FERMT2: variants seen among roughly 807,000 people sequenced by gnomAD.
FERMT2 encodes FERM domain containing kindlin 2.
A neutral mutation model predicts 82.7 loss-of-function variants in FERMT2; 15 were observed. The observed-to-expected ratio is 0.18, with a 90% confidence interval of 0.12 to 0.28. The LOEUF is 0.28. Ranked by LOEUF, FERMT2 falls within the 10% of genes least tolerant of loss-of-function variation. The pLI is 1.00. For synonymous variants in FERMT2, 274 were observed against 271.5 expected (o/e 1.01, Z -0.09); for missense variants, 645 against 809.4 (o/e 0.80, Z 2.46).
intron 2 of FERMT2, among the ~76,000 whole-genome samples, chr14:52,942,055 T>C (rs910591278): frequency 6.6e-6 from 1 of 152,142 alleles, no homozygotes; most frequent in African/African-American, 2.4e-5. Context: ...AACTAAGCTT[T>C]TTTTGAGGAG....
Position 52,881,259 on chromosome 14 carries a change from G to T in FERMT2, c.737C>A (p.Ala246Glu). The T allele has an allele frequency of 6.2e-7, 1 of 1,613,038 alleles. No homozygotes were observed. The highest frequency in any genetic ancestry group is 1.7e-4 in the Middle Eastern group (1 of 6,054). ...MFKPQALLDK[A>E]KINQGWLDSS... ...TAAAACTTACCCTTGGTTGATTTTT[G>T]CTTTATCAAGAAGAGCTTGAGGCTT... Residue 246 changes from alanine to glutamate, a missense_variant, in exon 5 of 15, where the codon GCA becomes GAA. Transcript: ENST00000341590.
rs115018584 is a variant in FERMT2, at chr14:52,936,774, T to C, written c.157+13638A>G. Among the ~76,000 whole-genome samples, 1,403 of 152,324 alleles carry C rather than the reference T, an allele frequency of 9.2e-3. 21 individuals carry two copies. The highest frequency in any genetic ancestry group is 0.032 in the African/African-American group (1,319 of 41,562). ...CCCTCCCTCCACAAATCCTATCCTA[T>C]ATGCTAGGTTCCAGTTGCCCAGTAC... On this transcript the variant is annotated intron_variant, in intron 2 of 14. Transcript: ENST00000341590.
In FERMT2 at chr14:52,881,018, C is replaced by G. The variant is rs766415769; in HGVS notation, c.855+18G>C. On this transcript the variant is annotated intron_variant, in intron 6 of 14. Coordinates refer to ENST00000341590, the MANE Select transcript of FERMT2 (RefSeq NM_006832.3). ...AATTAATGGGGAAAAAAAAAAGATC[C>G]CTTTAAACCCTCGGTACCTTTGGAT... 6.6e-7 allele frequency: 1 copy of G among 1,511,586 alleles called. No homozygotes were observed. Among genetic ancestry groups the G allele is most frequent in the East Asian group, 2.3e-5 (1 of 44,390 alleles). The allele number at this position is 1,511,586 out of a possible 1,614,324, so 93.6% of individuals were successfully genotyped here.
rs1885205754 is a variant in FERMT2, at chr14:52,865,312, ACTCT to A, written c.1274-463_1274-460del. On this transcript the variant is annotated intron_variant, in intron 10 of 14. Coordinates refer to ENST00000341590, the MANE Select transcript of FERMT2 (RefSeq NM_006832.3). ...CTCCAGCCTGGGCAACAAAAGCGAA[ACTCT>A]CTCTTCAGAATTTCACTTTGTAGGA... Among the ~76,000 whole-genome samples the A allele has an allele frequency of 3.9e-5, 6 of 152,158 alleles. 1 individual carries two copies. In the South Asian group the frequency reaches 1.2e-3, roughly 32 times the overall value.
chr14:52,928,233 C>T (rs1889392349), intron 2 of FERMT2: 1 of 223,678 alleles, frequency 4.5e-6, no homozygotes, highest in African/African-American at 2.2e-5. Flanking sequence ...TTTGCTAAGG[C>T]AACATGTCAT....
At chr14:52,903,055 A>C (rs1277210197) in intron 3 of FERMT2, among the ~76,000 whole-genome samples, 1 of 151,748 alleles carries the variant, frequency 6.6e-6, no homozygotes, top group African/African-American at 2.4e-5. Flanking sequence ...TAATATTATG[A>C]AACAACTCTG....
chr14:52,866,032 C>T (rs1317053417), intron 10 of FERMT2, among the ~76,000 whole-genome samples: 1 of 152,158 alleles, frequency 6.6e-6, no homozygotes, highest in Non-Finnish European at 1.5e-5. Flanking sequence ...AAAGTTGAAA[C>T]AGTTGTTTGA....
chr14:52,915,812 T>C (rs1186957366), intron 3 of FERMT2, among the ~76,000 whole-genome samples: 1 of 151,670 alleles, frequency 6.6e-6, no homozygotes, highest in Non-Finnish European at 1.5e-5. Flanking sequence ...CGAACAAAGG[T>C]TTATAATAGA....
intron 4 of FERMT2, among the ~76,000 whole-genome samples, chr14:52,883,791 G>GTA (rs942732534): frequency 1.3e-5 from 2 of 152,154 alleles, no homozygotes; most frequent in South Asian, 4.1e-4. Context: ...GCTTGGTACT[G>GTA]TATAGTCAGT....
chr14:52,933,205 T>G (rs1434198068), intron 2 of FERMT2, among the ~76,000 whole-genome samples: 1 of 152,214 alleles, frequency 6.6e-6, no homozygotes, highest in East Asian at 1.9e-4. Context: ...TTTTACTTTT[T>G]CCTCTCCCTC....
chr14:52,874,620 A>AT (rs1441220476), intron 8 of FERMT2, among the ~76,000 whole-genome samples: 7 of 151,916 alleles, frequency 4.6e-5, no homozygotes, highest in African/African-American at 1.7e-4. Context: ...CCCGAGATCT[A>AT]TTTTCTTCTT....
intron 2 of FERMT2, 44 bp from the exon 3 acceptor site, chr14:52,919,400 G>T: frequency 7.0e-7 from 1 of 1,427,952 alleles, no homozygotes; most frequent in Non-Finnish European, 9.6e-7. Context: ...AAATCACCAA[G>T]GTGATTTTGA....
rs140053395 is a variant in FERMT2, at chr14:52,874,230, G to C, written c.1099-4C>G. On this transcript the variant is annotated splice_polypyrimidine_tract_variant and splice_region_variant and intron_variant, in intron 8 of 14. Coordinates refer to ENST00000341590, the MANE Select transcript of FERMT2 (RefSeq NM_006832.3). ...CAGGAATGGAAGTAATGTCACCCTA[G>C]GAGAGAGTTAAATCCTTTTTTAATT... The C allele has an allele frequency of 1.2e-4, 187 of 1,573,524 alleles. No individual in the cohort carries two copies. The African/African-American group carries it at 2.3e-3, about 20-fold the overall frequency.
intron 2 of FERMT2, among the ~76,000 whole-genome samples, chr14:52,934,697 T>C (rs957663810): frequency 6.6e-6 from 1 of 152,250 alleles, no homozygotes; most frequent in Non-Finnish European, 1.5e-5. Context: ...GGTGAAAGCA[T>C]CCACATTTCC....
intron 4 of FERMT2, among the ~76,000 whole-genome samples, chr14:52,892,091 A>G (rs1433368181): frequency 6.6e-6 from 1 of 152,096 alleles, no homozygotes; most frequent in South Asian, 2.1e-4. Context: ...TCCTCAAAGG[A>G]GCAAAACCTT....
chr14:52,892,166 GT>G (rs10547747), intron 4 of FERMT2, among the ~76,000 whole-genome samples: 4,269 of 128,688 alleles, frequency 0.033, 191 homozygotes, highest in African/African-American at 0.12. Flanking sequence ...GCTGTTTTTT[GT>G]TTTTTTTTTT....
chr14:52,921,801 C>T (rs7158367), intron 2 of FERMT2, among the ~76,000 whole-genome samples: 24,749 of 152,036 alleles, frequency 0.16, 2,191 homozygotes, highest in African/African-American at 0.21. Context: ...TTTTGGATTA[C>T]GAATGCTCAA....
At chr14:52,897,049 C>CACACACACA (rs1887321843) in intron 3 of FERMT2, among the ~76,000 whole-genome samples, 8 of 135,510 alleles carry the variant, frequency 5.9e-5, no homozygotes, top group African/African-American at 2.2e-4. Flanking sequence ...CACACACACA[C>CACACACACA]CATGGTAGAA....
chr14:52,896,053 T>G (rs1234633028), intron 3 of FERMT2, among the ~76,000 whole-genome samples: 2 of 152,198 alleles, frequency 1.3e-5, no homozygotes, highest in African/African-American at 2.4e-5. Flanking sequence ...TGCACTTATT[T>G]TTAAAATGTA....
Sources: allele counts gnomAD v4.1 joint callset (sites outside exome capture counted in the v4.1 genomes callset), GRCh38; gene constraint gnomAD v4.1.1; transcripts MANE v1.5; gene names NCBI Gene and HGNC (gene_info 2026-07-23, HGNC 2026-07-21).